Variants in OPALIN observed in about 807,000 individuals in gnomAD.
OPALIN encodes the protein oligodendrocytic myelin paranodal and inner loop protein.
In OPALIN, 15 loss-of-function variants were observed where a neutral mutation model predicts 17.8. That is an observed-to-expected ratio of 0.84 (90% confidence interval 0.56 to 1.29). OPALIN has a LOEUF of 1.29. OPALIN is among the 50% of genes most tolerant of loss of function. The pLI, the probability that OPALIN is intolerant of heterozygous loss-of-function variation, is 0.00. For synonymous variants in OPALIN, 62 were observed against 63.8 expected, an observed-to-expected ratio of 0.97 and a Z score of 0.14; for missense variants, 170 against 176.0, an observed-to-expected ratio of 0.97 and a Z score of 0.19.
intron 4 of OPALIN, 74 bp downstream of exon 4, chr10:96,349,633 C>A (rs150936358): frequency 1.3e-5 from 20 of 1,524,112 alleles, no homozygotes; most frequent in Middle Eastern, 3.7e-4. Context: ...TTCTGACACC[C>A]TTAGTCCAAA....
In OPALIN at chr10:96,359,000, G is replaced by T; in HGVS notation, c.-104C>A. On this transcript the variant is annotated 5_prime_UTR_variant, in exon 1 of 6. Transcript: ENST00000371172. Reference sequence around the variant, plus strand: ...CTTTCATTTGTAGGAACAGTTAACTGACAAAGCTGCAGAGGCAGGCTGAGA... The same window carrying T: ...CTTTCATTTGTAGGAACAGTTAACTTACAAAGCTGCAGAGGCAGGCTGAGA... 1 of 1,390,690 alleles carries T rather than the reference G, an allele frequency of 7.2e-7. No homozygotes were observed. Among genetic ancestry groups the T allele is most frequent in the South Asian group, 1.2e-5 (1 of 86,214 alleles). The allele number at this position is 1,390,690 out of a possible 1,614,324, so 86.1% of individuals were successfully genotyped here.
chr10:96,353,148 G>A (rs1300897339), intron 2 of OPALIN, among the ~76,000 whole-genome samples: 1 of 152,220 alleles, frequency 6.6e-6, no homozygotes. Context: ...CTGGCTCTGG[G>A]ATCCATGCTC....
chr10:96,348,027 A>G (rs1274542604), intron 5 of OPALIN, among the ~76,000 whole-genome samples: 1 of 152,160 alleles, frequency 6.6e-6, no homozygotes, highest in African/African-American at 2.4e-5. Context: ...TTCTTCCCCT[A>G]TTGAGATGGT....
At chr10:96,357,475 C>A (rs1320225892) in intron 1 of OPALIN, among the ~76,000 whole-genome samples, 2 of 152,174 alleles carry the variant, frequency 1.3e-5, no homozygotes, top group Non-Finnish European at 1.5e-5. Flanking sequence ...AGCTTGGAGC[C>A]ACCTGATCTA....
In OPALIN at chr10:96,349,723, C is replaced by A; in HGVS notation, c.176G>T (p.Ser59Ile). The change falls in exon 4 of 6, where the codon AGC becomes ATC. Residue 59 changes from serine to isoleucine, a missense_variant. Ser to Ile is a moderately radical substitution (Grantham distance 142). Coordinates refer to ENST00000371172, the MANE Select transcript of OPALIN (RefSeq NM_033207.5). ...LFTLIHRRRS[S>I]IEAMEESDRP... The stretch of plus-strand genomic sequence containing the variant: ...AGTAATCACCTCCATGGCCTCAATG[C>A]TGCTTCTTCTTCGGTGAATCAAAGT... 1 of 1,613,926 alleles carries A rather than the reference C, an allele frequency of 6.2e-7. No individual in the cohort carries two copies.
At chr10:96,355,684 G>T (rs1044051904) in intron 1 of OPALIN, among the ~76,000 whole-genome samples, 2 of 152,218 alleles carry the variant, frequency 1.3e-5, no homozygotes, top group African/African-American at 2.4e-5. Context: ...GAATTTAGAA[G>T]TATTTTGTGT....
In OPALIN at chr10:96,345,890, G is replaced by T. The variant is rs760378712; in HGVS notation, c.*51C>A. Reference sequence around the variant, plus strand: ...TTCCTCTCCAAGTACAAAACCCTGGGTTTTCAACCCTGTTCCAGTGCCAGG... The same window carrying T: ...TTCCTCTCCAAGTACAAAACCCTGGTTTTTCAACCCTGTTCCAGTGCCAGG... On this transcript the variant is annotated 3_prime_UTR_variant, in exon 6 of 6. Transcript: ENST00000371172. 1.9e-6 allele frequency: 3 copies of T among 1,579,342 alleles called. No individual in the cohort carries two copies. Among genetic ancestry groups the T allele is most frequent in the Non-Finnish European group, 8.6e-7 (1 of 1,158,948 alleles).
intron 2 of OPALIN, chr10:96,353,534 C>T (rs534279682): frequency 1.2e-4 from 118 of 1,016,262 alleles, no homozygotes; most frequent in South Asian, 6.0e-4. Context: ...TTGCTCTACA[C>T]GGGATCAAAG....
At chr10:96,356,213 C>T (rs1271688576) in intron 1 of OPALIN, among the ~76,000 whole-genome samples, 9 of 152,344 alleles carry the variant, frequency 5.9e-5, no homozygotes, top group African/African-American at 1.7e-4. Flanking sequence ...CCTTCAGCCT[C>T]GGTCTCCCTG....
At chr10:96,358,356 T>C (rs1845895830) in intron 1 of OPALIN, among the ~76,000 whole-genome samples, 1 of 152,214 alleles carries the variant, frequency 6.6e-6, no homozygotes, top group South Asian at 2.1e-4. Context: ...AATATTCAGT[T>C]GTATATATAC....
In OPALIN at chr10:96,345,628, C is replaced by T. The variant is rs1228870319; in HGVS notation, c.*313G>A. On this transcript the variant is annotated 3_prime_UTR_variant, in exon 6 of 6. Coordinates refer to ENST00000371172, the MANE Select transcript of OPALIN (RefSeq NM_033207.5). ...GATATGAAAAAAAAAGATGAGAAGGCAAGACACTCAGAAACCAAGCCCCTT... is the reference window on the plus strand; with the variant it reads ...GATATGAAAAAAAAAGATGAGAAGGTAAGACACTCAGAAACCAAGCCCCTT... 7 of 274,172 alleles carry T rather than the reference C, an allele frequency of 2.6e-5. No individual in the cohort carries two copies. The highest frequency in any genetic ancestry group is 1.3e-4 in the African/African-American group (6 of 45,818). 17.0% of individuals were successfully genotyped at this position (274,172 alleles called of 1,614,324 possible).
At chr10:96,350,297 C>A (rs957956064) in intron 3 of OPALIN, among the ~76,000 whole-genome samples, 1 of 152,128 alleles carries the variant, frequency 6.6e-6, no homozygotes. Flanking sequence ...CTCACTGCAA[C>A]CTCCGCCTCC....
intron 1 of OPALIN, chr10:96,357,046 G>A (rs772251297): frequency 1.3e-5 from 13 of 985,488 alleles, no homozygotes; most frequent in Non-Finnish European, 1.6e-5. Context: ...GTGGAACACA[G>A]GGACGTCTGG....
chr10:96,351,533 G>C, intron 2 of OPALIN, 123 bp from the exon 3 acceptor site: 1 of 520,726 alleles, frequency 1.9e-6, no homozygotes, highest in Admixed American at 3.5e-5. Flanking sequence ...TAAACTTTCT[G>C]TTAACAACTA....
chr10:96,355,224 T>G, intron 2 of OPALIN, 31 bp downstream of exon 2: 1 of 1,604,548 alleles, frequency 6.2e-7, no homozygotes, highest in African/African-American at 1.3e-5. Flanking sequence ...CTTCTCTGCG[T>G]TGCCTGGTGA....
chr10:96,347,087 TTTC>T (rs1183863024), intron 5 of OPALIN, among the ~76,000 whole-genome samples: 3 of 151,922 alleles, frequency 2.0e-5, no homozygotes, highest in Non-Finnish European at 4.4e-5. Context: ...TCTTCCTTTC[TTTC>T]TTTTTTTTTT....
At chr10:96,350,363 A>G (rs1845529575) in intron 3 of OPALIN, among the ~76,000 whole-genome samples, 2 of 152,084 alleles carry the variant, frequency 1.3e-5, no homozygotes, top group African/African-American at 4.8e-5. Context: ...CTACAGGTGC[A>G]TGCCACCACA....
Position 96,345,952 on chromosome 10 carries a change from T to A in OPALIN, c.415A>T (p.Ser139Cys). 1 of 1,614,026 alleles carries A rather than the reference T, an allele frequency of 6.2e-7. No homozygotes were observed. Among genetic ancestry groups the A allele is most frequent in the Non-Finnish European group, 8.5e-7 (1 of 1,179,960 alleles). ...RGLWWLVPRLSLE is the reference protein window; with the variant it reads ...RGLWWLVPRLCLE Reference sequence around the variant, plus strand: ...TTGACTGAGCTGCATCATTCCAGGCTCAGTCTGGGCACAAGCCACCACAAT... The same window carrying A: ...TTGACTGAGCTGCATCATTCCAGGCACAGTCTGGGCACAAGCCACCACAAT... Residue 139 changes from serine (S) to cysteine (C), a missense_variant, in exon 6 of 6, where the codon AGC becomes TGC. Ser to Cys is a moderately radical substitution (Grantham distance 112). Coordinates refer to ENST00000371172, the MANE Select transcript of OPALIN (RefSeq NM_033207.5).
At position 96,358,887 on chromosome 10, in the gene OPALIN, C is replaced by T; in HGVS notation, c.3+7G>A. Reference sequence around the variant, plus strand: ...TCGATTGAGAAGAGATGCCAGCTTTCACTCACCATTTCTGACAGTCTCCCA... The same window carrying T: ...TCGATTGAGAAGAGATGCCAGCTTTTACTCACCATTTCTGACAGTCTCCCA... On this transcript the variant is annotated splice_region_variant and intron_variant, in intron 1 of 5. Transcript: ENST00000371172. The T allele has an allele frequency of 6.2e-7, 1 of 1,614,052 alleles. No individual in the cohort carries two copies. Among genetic ancestry groups the T allele is most frequent in the Non-Finnish European group, 8.5e-7 (1 of 1,179,892 alleles).
Sources: allele counts gnomAD v4.1 joint callset (sites outside exome capture counted in the v4.1 genomes callset), GRCh38; gene constraint gnomAD v4.1.1; transcripts MANE v1.5; gene names NCBI Gene and HGNC (gene_info 2026-07-23, HGNC 2026-07-21).